The following MYO16 variants were observed in gnomAD, a reference collection of about 807,000 sequenced individuals.
MYO16 encodes myosin XVI.
MYO16 carries 94 observed loss-of-function variants against 205.3 expected under a neutral mutation model. That is an observed-to-expected ratio of 0.46 (90% CI 0.39 to 0.54). The LOEUF (loss-of-function observed/expected upper bound fraction) is 0.54. Ranked by LOEUF, MYO16 falls within the 20% of genes least tolerant of loss-of-function variation. The pLI is 0.00. For missense variants in MYO16, 2,315 were observed against 2,387.5 expected (o/e 0.97, Z 0.63); for synonymous variants, 988 against 954.0 (o/e 1.04, Z -0.66).
intron 28 of MYO16, among the ~76,000 whole-genome samples, chr13:109,112,778 T>C (rs1235234537): frequency 6.6e-6 from 1 of 152,196 alleles, no homozygotes; most frequent in African/African-American, 2.4e-5. Flanking sequence ...CAAATGAAAT[T>C]TTAAATATCT....
intron 34 of MYO16, among the ~76,000 whole-genome samples, chr13:109,183,174 G>A (rs866728786): frequency 3.9e-5 from 6 of 152,140 alleles, no homozygotes; most frequent in Admixed American, 3.9e-4. Flanking sequence ...GCTATTTGGC[G>A]TGATGCAATC....
chr13:109,166,177 G>C (rs530108100), intron 33 of MYO16, among the ~76,000 whole-genome samples: 2 of 152,070 alleles, frequency 1.3e-5, no homozygotes, highest in Non-Finnish European at 2.9e-5. Flanking sequence ...GGAATTCAAA[G>C]ACACATGCCT....
intron 1 of MYO16, among the ~76,000 whole-genome samples, chr13:108,665,170 T>C (rs1285479435): frequency 6.6e-6 from 1 of 152,132 alleles, no homozygotes; most frequent in Admixed American, 6.6e-5. Context: ...ACTGCAACCT[T>C]AAACTCCTGG....
At chr13:109,073,594 G>T (rs1887995709) in intron 27 of MYO16, among the ~76,000 whole-genome samples, 2 of 152,134 alleles carry the variant, frequency 1.3e-5, no homozygotes, top group African/African-American at 4.8e-5. Flanking sequence ...AGTACCTGCT[G>T]ATGTAGAAAT....
chr13:109,129,087 T>G (rs975093938), intron 31 of MYO16, among the ~76,000 whole-genome samples: 2 of 151,876 alleles, frequency 1.3e-5, no homozygotes, highest in African/African-American at 4.8e-5. Flanking sequence ...TTTTTTTTTT[T>G]TAGCATTTTT....
intron 1 of MYO16, among the ~76,000 whole-genome samples, chr13:108,658,488 C>T (rs1000055472): frequency 4.0e-5 from 6 of 149,926 alleles, no homozygotes; most frequent in Admixed American, 2.0e-4. Flanking sequence ...AGATACTTCG[C>T]TTATTGACTT....
the MYO16 span, among the ~76,000 whole-genome samples, chr13:108,508,804 T>A: frequency 6.6e-6 from 1 of 152,218 alleles, no homozygotes; most frequent in African/African-American, 2.4e-5. Context: ...CATTGGTTTC[T>A]GAAGTTCTCG....
At chr13:108,800,145 C>T (rs1253933595) in intron 6 of MYO16, among the ~76,000 whole-genome samples, 1 of 152,160 alleles carries the variant, frequency 6.6e-6, no homozygotes, top group East Asian at 1.9e-4. Flanking sequence ...CTAAGCTGTG[C>T]TTGCTCCATG....
At position 108,616,156 on chromosome 13, in the gene MYO16, A is replaced by G. The variant is rs1255043882; in HGVS notation, c.-39+19917A>G. On this transcript the variant is annotated intron_variant, in intron 1 of 24. Transcript: ENST00000251041. ...GCATTTTTCTTCATTATCTTATCCA[A>G]GTCAACTTTTATGAAAACATTTTGT... Among the ~76,000 whole-genome samples, 3 of 152,206 alleles carry G rather than the reference A, an allele frequency of 2.0e-5. 1 individual carries two copies. The highest frequency in any genetic ancestry group is 4.1e-4 in the South Asian group (2 of 4,832).
intron 2 of MYO16, among the ~76,000 whole-genome samples, chr13:108,677,311 G>T: frequency 7.1e-6 from 1 of 141,134 alleles, no homozygotes; most frequent in Non-Finnish European, 1.5e-5. Flanking sequence ...AGGTGCACAT[G>T]CATGTGTGTG....
At chr13:108,515,942 C>T in the MYO16 span, among the ~76,000 whole-genome samples, 2 of 115,256 alleles carry the variant, frequency 1.7e-5, no homozygotes, top group African/African-American at 6.6e-5. Flanking sequence ...TGTCTGTGCC[C>T]TGCCCCCAGA....
rs1323849712 is a variant in MYO16 at position 109,207,267 on chromosome 13, T to G, written c.*431T>G. The G allele has an allele frequency of 6.5e-6, 1 of 153,552 alleles. No individual in the cohort carries two copies. The highest frequency in any genetic ancestry group is 1.4e-5 in the Non-Finnish European group (1 of 69,034). The allele number at this position is 153,552 out of a possible 1,614,324, so 9.5% of individuals were successfully genotyped here. A position where few individuals can be genotyped will look rare whatever the true frequency, so the allele number is the denominator to read the frequency against. ...AATACAGTATACGGGACATATATTT[T>G]ATTTCTTTGTAGCTACTTGTGTTTT... is the stretch of plus-strand genomic sequence containing the variant. On this transcript the variant is annotated 3_prime_UTR_variant, in exon 35 of 35. Coordinates refer to ENST00000457511, the MANE Select transcript of MYO16 (RefSeq NM_001198950.3).
At chr13:108,990,960 G>A (rs1308047052) in intron 20 of MYO16, among the ~76,000 whole-genome samples, 1 of 152,042 alleles carries the variant, frequency 6.6e-6, no homozygotes, top group Non-Finnish European at 1.5e-5. Flanking sequence ...GAAAAAGCAA[G>A]GAAATAACAA....
At chr13:109,092,722 T>C (rs1888660417) in intron 27 of MYO16, among the ~76,000 whole-genome samples, 2 of 152,138 alleles carry the variant, frequency 1.3e-5, no homozygotes, top group Admixed American at 1.3e-4. Context: ...AAATCTAAAA[T>C]AAAAGTTAAA....
chr13:108,604,820 G>A (rs1449452944), intron 1 of MYO16, among the ~76,000 whole-genome samples: 3 of 152,108 alleles, frequency 2.0e-5, no homozygotes, highest in Non-Finnish European at 4.4e-5. Flanking sequence ...TAGAGAGCAG[G>A]TACAATGTCT....
At chr13:108,931,869 G>A (rs967658641) in intron 16 of MYO16, among the ~76,000 whole-genome samples, 8 of 152,252 alleles carry the variant, frequency 5.3e-5, no homozygotes, top group South Asian at 2.1e-4. Flanking sequence ...TTACCAGTTC[G>A]AAAAATTGTT....
At chr13:108,791,523 T>G (rs753051298) in intron 5 of MYO16, among the ~76,000 whole-genome samples, 1 of 152,176 alleles carries the variant, frequency 6.6e-6, no homozygotes, top group Admixed American at 6.5e-5. Flanking sequence ...TCAACACCAT[T>G]TTGCAGTTGA....
chr13:108,519,070 G>GA, the MYO16 span, among the ~76,000 whole-genome samples: 80 of 150,402 alleles, frequency 5.3e-4, no homozygotes, highest in Middle Eastern at 3.5e-3. Context: ...GTTGAAAATA[G>GA]AAAAAAAAAG....
At chr13:109,184,208 C>A (rs988287874) in intron 34 of MYO16, among the ~76,000 whole-genome samples, 1 of 151,876 alleles carries the variant, frequency 6.6e-6, no homozygotes, top group Admixed American at 6.6e-5. Context: ...TTTATATAAC[C>A]ATATATGAGC....
Sources: allele counts gnomAD v4.1 joint callset (sites outside exome capture counted in the v4.1 genomes callset), GRCh38; gene constraint gnomAD v4.1.1; transcripts MANE v1.5; gene names NCBI Gene and HGNC (gene_info 2026-07-23, HGNC 2026-07-21).